The following FAM135B variants were observed in gnomAD, a reference collection of about 807,000 sequenced individuals.
The protein encoded by FAM135B is family with sequence similarity 135 member B, also known as protein FAM135B.
Under a neutral mutation model 127.7 loss-of-function variants are expected in FAM135B, and 43 were observed. That is an observed-to-expected ratio of 0.34 (90% CI 0.26 to 0.43). The LOEUF (loss-of-function observed/expected upper bound fraction) is 0.43, where lower values mean the gene tolerates loss of function less well. Among genes scored for constraint, FAM135B ranks in the 20% least tolerant of loss-of-function variants. The pLI is 1.00. For synonymous variants in FAM135B, 670 were observed against 665.1 expected (o/e 1.01, Z -0.11); for missense variants, 1,558 against 1,725.6 (o/e 0.90, Z 1.72).
At chr8:138,249,194 C>G (rs1338392599) in intron 6 of FAM135B, among the ~76,000 whole-genome samples, 1 of 152,136 alleles carries the variant, frequency 6.6e-6, no homozygotes, top group African/African-American at 2.4e-5. Flanking sequence ...ATTTGCCAAG[C>G]CTTGGAGTGC....
chr8:138,208,632 C>T (rs1427930898), intron 7 of FAM135B, among the ~76,000 whole-genome samples: 1 of 152,188 alleles, frequency 6.6e-6, no homozygotes, highest in Non-Finnish European at 1.5e-5. Context: ...GGGTCAAGTC[C>T]AGGCTTTGCT....
chr8:138,287,233 AAG>A (rs1824757554), intron 3 of FAM135B, among the ~76,000 whole-genome samples: 1 of 152,216 alleles, frequency 6.6e-6, no homozygotes, highest in Non-Finnish European at 1.5e-5. Flanking sequence ...TTCAAAGAAA[AAG>A]AAGCAAAAGT....
At chr8:138,331,281 T>C (rs543985635) in intron 2 of FAM135B, among the ~76,000 whole-genome samples, 1 of 152,328 alleles carries the variant, frequency 6.6e-6, no homozygotes, top group East Asian at 1.9e-4. Context: ...GTCATCTGAC[T>C]CAGGCATTCA....
intron 1 of FAM135B, among the ~76,000 whole-genome samples, chr8:138,386,373 G>C (rs1832219761): frequency 6.6e-6 from 1 of 152,104 alleles, no homozygotes; most frequent in Admixed American, 6.5e-5. Context: ...CAAGCCACCA[G>C]GTAATAAAAC....
At chr8:138,392,469 A>C (rs1457803295) in intron 1 of FAM135B, among the ~76,000 whole-genome samples, 3 of 152,218 alleles carry the variant, frequency 2.0e-5, no homozygotes, top group Non-Finnish European at 4.4e-5. Flanking sequence ...CAAGACCCAC[A>C]AAAGTCCTTT....
rs552761359 is a variant in FAM135B at position 138,201,020 on chromosome 8, G to C, written c.670-3351C>G. Among the ~76,000 whole-genome samples the C allele has an allele frequency of 2.2e-4, 34 of 152,350 alleles. No individual in the cohort carries two copies. In the South Asian group the frequency reaches 5.4e-3, roughly 24 times the overall value. On this transcript the variant is annotated intron_variant, in intron 7 of 19. Transcript: ENST00000395297. ...TGCCTCTGAAACCAGGCCTGGCAGA[G>C]AGCACATGCTAGACAAAGCTCCGCT...
chr8:138,475,942 C>G (rs1047845597), intron 1 of FAM135B, among the ~76,000 whole-genome samples: 2 of 152,118 alleles, frequency 1.3e-5, no homozygotes, highest in Non-Finnish European at 2.9e-5. Flanking sequence ...TCATAACTGT[C>G]AAAACTTGGA....
intron 7 of FAM135B, among the ~76,000 whole-genome samples, chr8:138,215,408 T>G (rs1420159218): frequency 6.6e-6 from 1 of 152,240 alleles, no homozygotes; most frequent in Non-Finnish European, 1.5e-5. Flanking sequence ...GATCTGAATG[T>G]TGGCCATAGA....
At chr8:138,303,566 C>T (rs570843482) in intron 3 of FAM135B, among the ~76,000 whole-genome samples, 15 of 152,160 alleles carry the variant, frequency 9.9e-5, no homozygotes, top group South Asian at 8.3e-4. Context: ...CAAACCTGCA[C>T]GTTCTGCACA....
At chr8:138,494,372 A>T (rs1326609044) in intron 1 of FAM135B, among the ~76,000 whole-genome samples, 3 of 152,230 alleles carry the variant, frequency 2.0e-5, no homozygotes. Context: ...AGGGAGAGGC[A>T]CCTATCATTG....
In FAM135B at chr8:138,241,404, T is replaced by C. The variant is rs1180198012; in HGVS notation, c.669+1538A>G. On this transcript the variant is annotated intron_variant, in intron 7 of 19. Coordinates refer to ENST00000395297, the MANE Select transcript of FAM135B (RefSeq NM_015912.4). This position sits in a 1 kb window ranked among gnomAD's most constrained non-coding sequence, Gnocchi z 4.8. ...CTCCTTCCATGGCACAGAACCCCAT[T>C]CTGGCTTCAGGTCCCCTCAGCAGGT... Among the ~76,000 whole-genome samples, 1 of 152,168 alleles carries C rather than the reference T, an allele frequency of 6.6e-6. No homozygotes were observed. Among genetic ancestry groups the C allele is most frequent in the Non-Finnish European group, 1.5e-5 (1 of 68,040 alleles).
At chr8:138,191,208 C>T (rs903134132) in intron 9 of FAM135B, among the ~76,000 whole-genome samples, 1 of 152,210 alleles carries the variant, frequency 6.6e-6, no homozygotes, top group African/African-American at 2.4e-5. Flanking sequence ...CACCTGTGAC[C>T]CCACTTCATT....
At chr8:138,264,272 C>T (rs1406492030) in intron 4 of FAM135B, among the ~76,000 whole-genome samples, 1 of 152,198 alleles carries the variant, frequency 6.6e-6, no homozygotes, top group Admixed American at 6.5e-5. Context: ...TGTCACTTGT[C>T]CTCCAGGGAA....
intron 1 of FAM135B, among the ~76,000 whole-genome samples, chr8:138,463,302 C>T (rs772192408): frequency 6.6e-6 from 1 of 152,068 alleles, no homozygotes; most frequent in African/African-American, 2.4e-5. Context: ...AGAACACACA[C>T]AGTTAGAGCA....
In FAM135B at chr8:138,168,047, A is replaced by T. The variant is rs2130903913; in HGVS notation, c.1106T>A (p.Ile369Lys). 6.2e-7 allele frequency: 1 copy of T among 1,611,590 alleles called. No homozygotes were observed. Among genetic ancestry groups the T allele is most frequent in the Non-Finnish European group, 8.5e-7 (1 of 1,178,772 alleles). ...LAVLTFQENLIQTHSQLSLDI... is the reference protein window; with the variant it reads ...LAVLTFQENLKQTHSQLSLDI... ...CAGGGACAGCTGGCTGTGCGTCTGT[A>T]TCCTGGGGAGCACATGGCAGGGTGA... Residue 369 changes from isoleucine (I) to lysine (K), a missense_variant and splice_region_variant, in exon 12 of 20, where the codon ATA (isoleucine) becomes AAA (lysine). Coordinates refer to ENST00000395297, the MANE Select transcript of FAM135B (RefSeq NM_015912.4).
At chr8:138,211,806 T>C (rs1818163781) in intron 7 of FAM135B, among the ~76,000 whole-genome samples, 2 of 152,132 alleles carry the variant, frequency 1.3e-5, no homozygotes, top group African/African-American at 4.8e-5. Context: ...GGTGGCTCAC[T>C]CCTGTAATCC....
At chr8:138,166,304 G>A (rs1423915142) in intron 12 of FAM135B, among the ~76,000 whole-genome samples, 2 of 152,180 alleles carry the variant, frequency 1.3e-5, no homozygotes, top group African/African-American at 2.4e-5. Context: ...CGTGGGGCAG[G>A]ACAAGAAACG....
At chr8:138,435,159 G>A (rs560349487) in intron 1 of FAM135B, among the ~76,000 whole-genome samples, 6 of 152,150 alleles carry the variant, frequency 3.9e-5, no homozygotes, top group East Asian at 1.9e-4. Context: ...TTAGCCAGAC[G>A]TCGTGGCAGG....
At chr8:138,353,199 T>C (rs1484963540) in intron 2 of FAM135B, among the ~76,000 whole-genome samples, 1 of 152,168 alleles carries the variant, frequency 6.6e-6, no homozygotes, top group Non-Finnish European at 1.5e-5. Context: ...TCTCCGACCA[T>C]ATTGAGTAGT....
Sources: allele counts gnomAD v4.1 joint callset (sites outside exome capture counted in the v4.1 genomes callset), GRCh38; gene constraint gnomAD v4.1.1; non-coding constraint Gnocchi (gnomAD v3.1); transcripts MANE v1.5; gene names NCBI Gene and HGNC (gene_info 2026-07-23, HGNC 2026-07-21).